IL6ST: variants seen among roughly 807,000 people sequenced by gnomAD.
IL6ST encodes the protein interleukin 6 cytokine family signal transducer, also known as interleukin-6 receptor subunit beta.
IL6ST carries 24 observed loss-of-function variants against 91.3 expected under a neutral mutation model. The observed-to-expected ratio is 0.26, with a 90% CI of 0.19 to 0.37. IL6ST has a LOEUF of 0.37. IL6ST is among the 10% of genes least tolerant of loss of function. IL6ST has a pLI of 1.00. For missense variants in IL6ST, 914 were observed against 1,078.5 expected, an observed-to-expected ratio of 0.85 and a Z score of 2.14; for synonymous variants, 351 against 373.6, an observed-to-expected ratio of 0.94 and a Z score of 0.70.
In IL6ST at chr5:55,976,268, A is replaced by C. The variant is rs776294028; in HGVS notation, c.11T>G (p.Leu4Trp). The C allele has an allele frequency of 6.3e-7, 1 of 1,587,142 alleles. No homozygotes were observed. Among genetic ancestry groups the C allele is most frequent in the Admixed American group, 1.8e-5 (1 of 56,996 alleles). The change falls in exon 3 of 17, where the codon TTG (leucine) becomes TGG (tryptophan). Residue 4 changes from leucine to tryptophan, a missense_variant. By Grantham distance (61) the Leu-to-Trp change is moderately conservative. Transcript: ENST00000381298. Reference sequence around the variant, plus strand: ...CAAGGCTTGCACTAGCCAAGTCTGCAACGTCAACATCTTGCGCGGATATTT... The same window carrying C: ...CAAGGCTTGCACTAGCCAAGTCTGCCACGTCAACATCTTGCGCGGATATTT... MLTLQTWLVQALFI... is the reference protein window; with the variant it reads MLTWQTWLVQALFI...
chr5:55,942,877 A>G (rs1751005835), intron 15 of IL6ST, 126 bp from the exon 16 acceptor site: 4 of 557,582 alleles, frequency 7.2e-6, no homozygotes, highest in Non-Finnish European at 1.3e-5. Flanking sequence ...AACAAAAAAT[A>G]CCTACTCTAC....
intron 5 of IL6ST, among the ~76,000 whole-genome samples, chr5:55,965,749 G>A (rs558723567): frequency 1.3e-5 from 2 of 151,006 alleles, no homozygotes; most frequent in African/African-American, 2.4e-5. Flanking sequence ...CCAGCCACTC[G>A]GGAGGCAGTG....
At chr5:55,993,027 C>T (rs1464122220) in intron 1 of IL6ST, among the ~76,000 whole-genome samples, 1 of 152,188 alleles carries the variant, frequency 6.6e-6, no homozygotes, top group Non-Finnish European at 1.5e-5. Flanking sequence ...CAATAGGAAC[C>T]TCAACTCTGA....
At chr5:55,956,277 C>T in intron 9 of IL6ST, 42 bp from the exon 10 acceptor site, 3 of 1,184,306 alleles carry the variant, frequency 2.5e-6, no homozygotes, top group Non-Finnish European at 3.7e-6. Context: ...TCTCATAAAT[C>T]TTGAATAAAA....
At chr5:55,961,840 C>G (rs1752337223) in intron 7 of IL6ST, among the ~76,000 whole-genome samples, 1 of 152,056 alleles carries the variant, frequency 6.6e-6, no homozygotes, top group African/African-American at 2.4e-5. Context: ...TCTGTCTTCT[C>G]TCCTGCCTAG....
At chr5:55,964,993 T>A (rs1285152053) in intron 5 of IL6ST, among the ~76,000 whole-genome samples, 2 of 152,164 alleles carry the variant, frequency 1.3e-5, no homozygotes, top group African/African-American at 2.4e-5. Flanking sequence ...AATATAGACT[T>A]TTCTGAACAA....
intron 16 of IL6ST, among the ~76,000 whole-genome samples, chr5:55,942,235 A>G (rs916928636): frequency 6.6e-6 from 1 of 152,230 alleles, no homozygotes; most frequent in East Asian, 1.9e-4. Flanking sequence ...CCTTTGGGGC[A>G]TATTTAAAAT....
In IL6ST at chr5:55,989,948, T is replaced by C. The variant is rs114585680; in HGVS notation, c.-104+4836A>G. Among the ~76,000 whole-genome samples, 1,306 of 152,056 alleles carry C rather than the reference T, an allele frequency of 8.6e-3. 17 individuals are homozygous for C. Among genetic ancestry groups the C allele is most frequent in the African/African-American group, 0.03 (1,233 of 41,456 alleles). ...GAAACATAGCTCTGATTAACTCACT[T>C]TGCACTAGGGGGTGGGGTTGGGGGT... On this transcript the variant is annotated intron_variant, in intron 1 of 16. Transcript: ENST00000381298.
At chr5:55,984,769 A>G (rs1753860528) in intron 1 of IL6ST, among the ~76,000 whole-genome samples, 1 of 152,124 alleles carries the variant, frequency 6.6e-6, no homozygotes, top group Admixed American at 6.5e-5. Context: ...TAAGTATATA[A>G]TGCAAATACA....
intron 3 of IL6ST, among the ~76,000 whole-genome samples, chr5:55,974,197 TA>T (rs1753135678): frequency 1.3e-5 from 2 of 152,252 alleles, no homozygotes; most frequent in Non-Finnish European, 2.9e-5. Flanking sequence ...ATATTACGTT[TA>T]TTTTTTTCAT....
At chr5:55,953,832 A>C (rs1751794381) in intron 11 of IL6ST, among the ~76,000 whole-genome samples, 1 of 152,210 alleles carries the variant, frequency 6.6e-6, no homozygotes, top group Non-Finnish European at 1.5e-5. Flanking sequence ...CTACAAAAAA[A>C]TAAAATTAGC....
intron 3 of IL6ST, among the ~76,000 whole-genome samples, chr5:55,973,418 C>T (rs558836964): frequency 2.5e-4 from 38 of 152,140 alleles, no homozygotes; most frequent in Non-Finnish European, 4.9e-4. Flanking sequence ...TAAAAGAATA[C>T]AGACTCCAAT....
In IL6ST at chr5:55,942,614, A is replaced by G. The variant is rs1750988788; in HGVS notation, c.2019+56T>C. On this transcript the variant is annotated intron_variant, in intron 16 of 16. Coordinates refer to ENST00000381298, the MANE Select transcript of IL6ST (RefSeq NM_002184.4). ...TATACCTACTAACTGTAGATACTCA[A>G]TATACCTACTAACATGTCTGTATAT... 5.6e-6 allele frequency: 5 copies of G among 887,758 alleles called. No homozygotes were observed. The Admixed American group carries it at 9.5e-5, about 17-fold the overall frequency. The allele number at this position is 887,758 out of a possible 1,614,324, so 55.0% of individuals were successfully genotyped here.
intron 15 of IL6ST, among the ~76,000 whole-genome samples, chr5:55,947,101 G>A (rs1189315250): frequency 2.0e-5 from 3 of 152,120 alleles, no homozygotes; most frequent in Non-Finnish European, 4.4e-5. Context: ...CTACTTTGAA[G>A]GCTGAGGCAG....
chr5:55,990,220 A>T (rs544635135), intron 1 of IL6ST, among the ~76,000 whole-genome samples: 1 of 152,182 alleles, frequency 6.6e-6, no homozygotes, highest in East Asian at 1.9e-4. Flanking sequence ...TCTCTTATTC[A>T]CGATCAATCA....
chr5:55,972,671 G>C (rs1753030066), intron 3 of IL6ST, among the ~76,000 whole-genome samples: 1 of 152,056 alleles, frequency 6.6e-6, no homozygotes. Context: ...AAGTTATTTT[G>C]AATGTTTATA....
intron 11 of IL6ST, among the ~76,000 whole-genome samples, chr5:55,952,716 A>G (rs1419987344): frequency 6.6e-6 from 1 of 152,170 alleles, no homozygotes; most frequent in Non-Finnish European, 1.5e-5. Context: ...AGTAAGACCT[A>G]GGGGAAAGCA....
At chr5:55,965,544 C>A (rs1752579935) in intron 5 of IL6ST, among the ~76,000 whole-genome samples, 2 of 152,058 alleles carry the variant, frequency 1.3e-5, no homozygotes, top group Admixed American at 1.3e-4. Flanking sequence ...TCCTGTAGCA[C>A]CCAGATTGTA....
At chr5:55,950,390 AGCC>A (rs2111664201) in intron 14 of IL6ST, among the ~76,000 whole-genome samples, 1 of 151,892 alleles carries the variant, frequency 6.6e-6, no homozygotes, top group South Asian at 2.1e-4. Flanking sequence ...ACAAAAAATT[AGCC>A]AGGCATGGTA....
Sources: gnomAD v4.1 joint callset for allele counts (sites outside exome capture counted in the v4.1 genomes callset) on GRCh38, gnomAD v4.1.1 for gene constraint, MANE v1.5 for transcripts, NCBI Gene and HGNC (gene_info 2026-07-23, HGNC 2026-07-21) for gene names.